Variants in ASTN2 observed in about 807,000 individuals in gnomAD.
ASTN2 encodes astrotactin 2.
A neutral mutation model predicts 139.8 loss-of-function variants in ASTN2; 54 were observed. The ratio of observed to expected loss-of-function variants is 0.39; its 90% CI spans 0.31 to 0.48. The LOEUF is 0.48. Among genes scored for constraint, ASTN2 ranks in the 20% least tolerant of loss-of-function variants. The probability of loss-of-function intolerance (pLI) is 0.95; values close to 1 mark genes in which losing one functional copy is unlikely to be tolerated. For synonymous variants in ASTN2, 756 were observed against 719.5 expected, an observed-to-expected ratio of 1.05 and a Z score of -0.81; for missense variants, 1,565 against 1,725.1, an observed-to-expected ratio of 0.91 and a Z score of 1.64.
chr9:116,908,517 C>G (rs1397181643), intron 10 of ASTN2, among the ~76,000 whole-genome samples: 1 of 152,188 alleles, frequency 6.6e-6, no homozygotes, highest in Non-Finnish European at 1.5e-5. Flanking sequence ...CCATCATTAG[C>G]CTGGATCAAG....
intron 2 of ASTN2, among the ~76,000 whole-genome samples, chr9:117,267,554 G>T (rs1243477334): frequency 2.0e-5 from 3 of 152,120 alleles, no homozygotes; most frequent in Admixed American, 2.0e-4. Flanking sequence ...GAGTATTTGG[G>T]AATTCTCTGT....
chr9:116,437,113 C>T (rs1018943171), intron 22 of ASTN2: 20 of 317,254 alleles, frequency 6.3e-5, no homozygotes, highest in African/African-American at 1.5e-4. Context: ...TGCTAGATGA[C>T]GAGTTAGTGG....
chr9:116,893,481 CT>C (rs1387251003), intron 10 of ASTN2, among the ~76,000 whole-genome samples: 1 of 152,166 alleles, frequency 6.6e-6, no homozygotes. Flanking sequence ...GCTATACCCT[CT>C]TACTAGCTAG....
At chr9:117,038,465 T>A (rs1403284234) in intron 6 of ASTN2, among the ~76,000 whole-genome samples, 1 of 151,854 alleles carries the variant, frequency 6.6e-6, no homozygotes, top group Non-Finnish European at 1.5e-5. Flanking sequence ...TCATATGGAA[T>A]CTTGTTACAT....
chr9:116,625,781 T>C (rs1392812970), intron 17 of ASTN2, among the ~76,000 whole-genome samples: 1 of 152,186 alleles, frequency 6.6e-6, no homozygotes, highest in Non-Finnish European at 1.5e-5. Context: ...GCTGTGCCTT[T>C]GGTCTGAAGT....
intron 19 of ASTN2, among the ~76,000 whole-genome samples, chr9:116,509,126 T>G (rs1192972310): frequency 6.6e-6 from 1 of 152,212 alleles, no homozygotes; most frequent in Non-Finnish European, 1.5e-5. Context: ...GTCATTTACA[T>G]TAGGTATATC....
At chr9:117,084,656 G>A (rs967129130) in intron 5 of ASTN2, among the ~76,000 whole-genome samples, 12 of 152,222 alleles carry the variant, frequency 7.9e-5, no homozygotes, top group African/African-American at 2.9e-4. Context: ...GTTGCTATAA[G>A]TAGTTATTCC....
chr9:117,287,342 C>T (rs1834475383), intron 2 of ASTN2, among the ~76,000 whole-genome samples: 1 of 152,162 alleles, frequency 6.6e-6, no homozygotes, highest in Non-Finnish European at 1.5e-5. Flanking sequence ...ATAAAATACC[C>T]ATGGATTCCA....
At chr9:116,727,912 A>G (rs923723763) in intron 15 of ASTN2, among the ~76,000 whole-genome samples, 1 of 152,230 alleles carries the variant, frequency 6.6e-6, no homozygotes, top group African/African-American at 2.4e-5. Context: ...AATAATTACT[A>G]TTTCTACTTC....
chr9:116,903,400 A>G (rs1834071023), intron 10 of ASTN2, among the ~76,000 whole-genome samples: 1 of 152,164 alleles, frequency 6.6e-6, no homozygotes, highest in Non-Finnish European at 1.5e-5. Context: ...GATATTTGCG[A>G]CCAATTGGAT....
rs905765983 is a variant in ASTN2 at position 117,131,678 on chromosome 9, A to C, written c.1168+9648T>G. ...TGGCATCTACAACCCCCATTATCTTAACTCAAGCATTTACTTCAAGTCTTT... is the reference window on the plus strand; with the variant it reads ...TGGCATCTACAACCCCCATTATCTTCACTCAAGCATTTACTTCAAGTCTTT... On this transcript the variant is annotated intron_variant, in intron 4 of 22. Transcript: ENST00000313400. 1.2e-4 allele frequency among the ~76,000 whole-genome samples: 19 copies of C among 152,316 alleles called. No homozygotes were observed. In the East Asian group the frequency reaches 3.7e-3, roughly 29 times the overall value.
chr9:116,869,292 T>A (rs1300788434), intron 10 of ASTN2, among the ~76,000 whole-genome samples: 1 of 152,186 alleles, frequency 6.6e-6, no homozygotes, highest in Non-Finnish European at 1.5e-5. Flanking sequence ...TGTTTCTAAA[T>A]AAGGCCACGT....
intron 16 of ASTN2, among the ~76,000 whole-genome samples, chr9:116,664,140 T>A (rs1409376648): frequency 1.3e-5 from 2 of 152,170 alleles, no homozygotes; most frequent in South Asian, 4.1e-4. Context: ...AGTGGGGTAC[T>A]ATATACCTAA....
chr9:117,088,559 C>T (rs1021006551), intron 5 of ASTN2, among the ~76,000 whole-genome samples: 6 of 152,170 alleles, frequency 3.9e-5, no homozygotes, highest in African/African-American at 1.4e-4. Context: ...GCCATACATC[C>T]ACATACCTTA....
chr9:116,424,781 G>T lies in ASTN2; in HGVS notation c.*1070C>A, dbSNP rs913747421. Among the ~76,000 whole-genome samples the T allele has an allele frequency of 6.6e-6, 1 of 151,946 alleles. No individual in the cohort carries two copies. Among genetic ancestry groups the T allele is most frequent in the Non-Finnish European group, 1.5e-5 (1 of 68,004 alleles). The stretch of plus-strand genomic sequence containing the variant: ...TTTTTGTATTGTTAGTAGAGACGGG[G>T]TTTCACCACATTAGCCAGGCTGGTC... On this transcript the variant is annotated 3_prime_UTR_variant, in exon 23 of 23. Transcript: ENST00000313400.
chr9:117,132,908 C>G (rs7868478), intron 4 of ASTN2, among the ~76,000 whole-genome samples: 9,112 of 152,160 alleles, frequency 0.06, 534 homozygotes, highest in African/African-American at 0.15. Context: ...CATAAGCATC[C>G]TAGCATATTC....
In ASTN2 at chr9:116,651,655, C is replaced by G; in HGVS notation, c.2945G>C (p.Arg982Pro). The G allele has an allele frequency of 6.2e-7, 1 of 1,614,138 alleles. No homozygotes were observed. The highest frequency in any genetic ancestry group is 1.1e-5 in the South Asian group (1 of 91,074). ...GCAAAGGTGACAGGTAGATGGACAG[C>G]GCCCCTTCTCCTCACAGCGAATCTC... is the stretch of plus-strand genomic sequence containing the variant. ...GVEIRCEEKG[R>P]CPSTCHLCRR... Residue 982 changes from arginine (R) to proline (P), a missense_variant, in exon 17 of 23, where the codon CGC becomes CCC. Transcript: ENST00000313400.
intron 2 of ASTN2, among the ~76,000 whole-genome samples, chr9:117,252,942 T>C (rs1054232665): frequency 6.6e-6 from 1 of 152,158 alleles, no homozygotes; most frequent in Middle Eastern, 3.4e-3. Flanking sequence ...TGTTATATGT[T>C]GTTGTTGCTG....
intron 7 of ASTN2, among the ~76,000 whole-genome samples, chr9:116,993,876 A>ATATATATT (rs1030120382): frequency 5.1e-4 from 73 of 142,026 alleles, no homozygotes; most frequent in African/African-American, 1.5e-3. Flanking sequence ...ATATATATAT[A>ATATATATT]TTTTAACTAT....
Sources: gnomAD v4.1 joint callset for allele counts (sites outside exome capture counted in the v4.1 genomes callset) on GRCh38, gnomAD v4.1.1 for gene constraint, MANE v1.5 for transcripts, NCBI Gene and HGNC (gene_info 2026-07-23, HGNC 2026-07-21) for gene names.